POLQ: variants seen among roughly 807,000 people sequenced by gnomAD.
POLQ encodes epididymis secretory sperm binding protein.
In POLQ, 233 loss-of-function variants were observed where a neutral mutation model predicts 259.2. The observed-to-expected ratio is 0.90, with a 90% CI of 0.81 to 1.00. POLQ has a LOEUF of 1.00. POLQ is among the 50% of genes least tolerant of loss of function. The pLI, the probability that POLQ is intolerant of heterozygous loss-of-function variation, is 0.00. For synonymous variants in POLQ, 1,025 were observed against 1,048.8 expected (o/e 0.98, Z 0.44); for missense variants, 2,871 against 3,051.6 (o/e 0.94, Z 1.39).
chr3:121,464,007 TGA>T (rs1226541807), intron 24 of POLQ, among the ~76,000 whole-genome samples: 3 of 152,204 alleles, frequency 2.0e-5, no homozygotes, highest in Non-Finnish European at 4.4e-5. Context: ...GTTTGATTCA[TGA>T]GAGTCCTACA....
intron 13 of POLQ, among the ~76,000 whole-genome samples, chr3:121,497,393 T>C (rs1467126637): frequency 2.0e-5 from 3 of 152,220 alleles, no homozygotes. Flanking sequence ...AACCATATTA[T>C]AAATAATATA....
At chr3:121,511,021 A>T (rs976001075) in intron 10 of POLQ, among the ~76,000 whole-genome samples, 3 of 151,992 alleles carry the variant, frequency 2.0e-5, no homozygotes, top group African/African-American at 7.2e-5. Context: ...AGGTCAGGAG[A>T]TCGAAACCTT....
chr3:121,459,708 T>TGTGCACACATGCGGGTGTGTAC (rs1311700118), intron 25 of POLQ, among the ~76,000 whole-genome samples: 4 of 152,164 alleles, frequency 2.6e-5, no homozygotes, highest in African/African-American at 9.7e-5. Context: ...AGTATACATA[T>TGTGCACACATGCGGGTGTGTAC]GTGCACACAT....
chr3:121,443,738 A>C (rs2047611936), intron 26 of POLQ, among the ~76,000 whole-genome samples: 1 of 152,158 alleles, frequency 6.6e-6, no homozygotes, highest in South Asian at 2.1e-4. Context: ...GAGGTCTTAA[A>C]GTTTTTAATC....
In POLQ at chr3:121,498,225, G is replaced by A. The variant is rs934475300; in HGVS notation, c.2153+252C>T. Among the ~76,000 whole-genome samples the A allele has an allele frequency of 2.6e-5, 4 of 151,890 alleles. No individual in the cohort carries two copies. The East Asian group carries it at 5.8e-4, about 22-fold the overall frequency. On this transcript the variant is annotated intron_variant, in intron 13 of 29. Transcript: ENST00000264233. ...CTCAGGAGGCTGAGGCAGCAGAATC[G>A]CTTGAACCTGGGAGGCGGAGGTTGC...
At chr3:121,432,624 A>C (rs1404904294) in intron 29 of POLQ, among the ~76,000 whole-genome samples, 1 of 152,250 alleles carries the variant, frequency 6.6e-6, no homozygotes, top group African/African-American at 2.4e-5. Flanking sequence ...GGAATTTCTG[A>C]AAGTTTTTGC....
At position 121,449,426 on chromosome 3, in the gene POLQ, T is replaced by C; in HGVS notation, c.7153A>G (p.Ile2385Val). The change falls in exon 26 of 30, where the codon ATT becomes GTT. Residue 2385 changes from isoleucine (I) to valine (V), a missense_variant and splice_region_variant. Ile to Val is a conservative substitution (Grantham distance 29, BLOSUM62 3). Coordinates refer to ENST00000264233, the MANE Select transcript of POLQ (RefSeq NM_199420.4). ...GDDLRQQAKQICYGIIYGMGA... is the reference protein window; with the variant it reads ...GDDLRQQAKQVCYGIIYGMGA... ...ATTCCATAAATGATCCCATAGCAAATCTGAAAGGGAGTCATCCAACAAATA... is the reference window on the plus strand; with the variant it reads ...ATTCCATAAATGATCCCATAGCAAACCTGAAAGGGAGTCATCCAACAAATA... 3 of 1,476,226 alleles carry C rather than the reference T, an allele frequency of 2.0e-6. No homozygotes were observed. The highest frequency in any genetic ancestry group is 2.8e-6 in the Non-Finnish European group (3 of 1,054,442). The allele number at this position is 1,476,226 out of a possible 1,614,324, so 91.4% of individuals were successfully genotyped here. A position where few individuals can be genotyped will look rare whatever the true frequency, so the allele number is the denominator to read the frequency against.
intron 12 of POLQ, among the ~76,000 whole-genome samples, chr3:121,499,655 A>G (rs2048151565): frequency 6.6e-6 from 1 of 152,218 alleles, no homozygotes; most frequent in South Asian, 2.1e-4. Context: ...AATCAATAAC[A>G]TAGAGGAGAT....
At chr3:121,537,346 G>A (rs74405190) in intron 4 of POLQ, 138 bp from the exon 5 acceptor site, 1 of 627,260 alleles carries the variant, frequency 1.6e-6, no homozygotes, top group Non-Finnish European at 2.9e-6. Context: ...GTGAAGGTCT[G>A]TTACCTGGGT....
chr3:121,505,278 C>T (rs1044989163), intron 12 of POLQ, among the ~76,000 whole-genome samples: 1 of 152,214 alleles, frequency 6.6e-6, no homozygotes, highest in Non-Finnish European at 1.5e-5. Flanking sequence ...GCTTCCTGTA[C>T]AGCCTGCAGA....
intron 26 of POLQ, among the ~76,000 whole-genome samples, chr3:121,448,126 C>T (rs894333691): frequency 2.6e-5 from 4 of 152,122 alleles, no homozygotes; most frequent in African/African-American, 9.7e-5. Context: ...TTCTCTACTC[C>T]TCTTTAAGGC....
rs2048037877 is a variant in POLQ, at chr3:121,488,846, T to A, written c.4085A>T (p.Asn1362Ile). 6.2e-7 allele frequency: 1 copy of A among 1,613,936 alleles called. No individual in the cohort carries two copies. Among genetic ancestry groups the A allele is most frequent in the Non-Finnish European group, 8.5e-7 (1 of 1,179,916 alleles). ...GIMQKSLVQQ[N>I]SMNSFQKECH... ...CTCCTTCTGAAAAGAGTTCATTGAG[T>A]TCTGTTGGACTAAGCTCTTCTGCAT... Residue 1362 changes from asparagine to isoleucine, a missense_variant, in exon 16 of 30, where the codon AAC (asparagine) becomes ATC (isoleucine). Physicochemically the swap from Asn to Ile is moderately radical, Grantham distance 149. Coordinates refer to ENST00000264233, the MANE Select transcript of POLQ (RefSeq NM_199420.4).
intron 4 of POLQ, among the ~76,000 whole-genome samples, chr3:121,537,542 T>C (rs2108820356): frequency 6.6e-6 from 1 of 152,340 alleles, no homozygotes; most frequent in Admixed American, 6.5e-5. Flanking sequence ...AGTGAGAACA[T>C]GTGGTACTTG....
intron 29 of POLQ, 117 bp downstream of exon 29, chr3:121,432,801 G>A (rs1437051761): frequency 2.9e-6 from 2 of 679,574 alleles, no homozygotes; most frequent in East Asian, 5.4e-5. Flanking sequence ...TATTTATACA[G>A]CCATCCCAGG....
At chr3:121,436,342 T>G in intron 27 of POLQ, 67 bp from the exon 28 acceptor site, 1 of 1,528,698 alleles carries the variant, frequency 6.5e-7, no homozygotes, top group Non-Finnish European at 9.0e-7. Flanking sequence ...TCCTTTAGTG[T>G]CCACAGTTCA....
chr3:121,445,316 T>TA (rs2047623706), intron 26 of POLQ, among the ~76,000 whole-genome samples: 1 of 152,190 alleles, frequency 6.6e-6, no homozygotes, highest in African/African-American at 2.4e-5. Context: ...TTTTTGTTCT[T>TA]AGACTGTTCA....
chr3:121,489,829 C>T lies in POLQ; in HGVS notation c.3102G>A (p.Lys1034=). 1 of 1,612,042 alleles carries T rather than the reference C, an allele frequency of 6.2e-7. No homozygotes were observed. The highest frequency in any genetic ancestry group is 1.1e-5 in the South Asian group (1 of 90,292). Residue 1034 remains lysine (K), a synonymous_variant, in exon 16 of 30, where the codon AAG becomes AAA. Coordinates refer to ENST00000264233, the MANE Select transcript of POLQ (RefSeq NM_199420.4). ...TCCAAGATCGAAAACTTCTGCTCAT[C>T]TTTTCTGAATTGAAATTCAAAGGTG... The part of the protein sequence containing the change: ...KKAPLNFNSE[K]MSRSFRSWKR...
Position 121,483,380 on chromosome 3 carries a change from TA to T in POLQ, c.5970+5del. 1.3e-6 allele frequency: 2 copies of T among 1,499,710 alleles called. No individual in the cohort carries two copies. The highest frequency in any genetic ancestry group is 1.8e-6 in the Non-Finnish European group (2 of 1,121,960). 92.9% of individuals were successfully genotyped at this position (1,499,710 alleles called of 1,614,324 possible). A position where few individuals can be genotyped will look rare whatever the true frequency, so the allele number is the denominator to read the frequency against. ...AAGTATATAAAAATTAAATTAGACA[TA>T]GAACCTTAGGATCTTCATAACTTTG... On this transcript the variant is annotated splice_donor_5th_base_variant and intron_variant, in intron 18 of 29. Coordinates refer to ENST00000264233, the MANE Select transcript of POLQ (RefSeq NM_199420.4).
chr3:121,517,812 C>A (rs2048308819), intron 9 of POLQ, among the ~76,000 whole-genome samples: 1 of 152,142 alleles, frequency 6.6e-6, no homozygotes. Flanking sequence ...CACACTACAG[C>A]CATCATATAA....
Sources: gnomAD v4.1 joint callset for allele counts (sites outside exome capture counted in the v4.1 genomes callset) on GRCh38, gnomAD v4.1.1 for gene constraint, MANE v1.5 for transcripts, NCBI Gene and HGNC (gene_info 2026-07-23, HGNC 2026-07-21) for gene names.